The following TYW5 variants were observed in gnomAD, a reference collection of about 807,000 sequenced individuals.
TYW5 encodes tRNA-yW synthesizing protein 5.
TYW5 carries 36 observed loss-of-function variants against 44.4 expected under a neutral mutation model. That is an observed-to-expected ratio of 0.81 (90% CI 0.62 to 1.07). TYW5 has a LOEUF of 1.07. Among genes scored for constraint, TYW5 ranks in the 50% least tolerant of loss-of-function variants. The pLI, the probability that TYW5 is intolerant of heterozygous loss-of-function variation, is 0.00. For synonymous variants in TYW5, 121 were observed against 128.1 expected, an observed-to-expected ratio of 0.94 and a Z score of 0.37; for missense variants, 354 against 365.7, an observed-to-expected ratio of 0.97 and a Z score of 0.26.
chr2:199,953,886 G>A (rs1325300534), intron 1 of TYW5, among the ~76,000 whole-genome samples: 1 of 152,072 alleles, frequency 6.6e-6, no homozygotes, highest in East Asian at 1.9e-4. Flanking sequence ...AATACCTTTT[G>A]CTATGACTCT....
At chr2:199,938,315 C>T (rs561431322) in intron 5 of TYW5, among the ~76,000 whole-genome samples, 7 of 152,080 alleles carry the variant, frequency 4.6e-5, no homozygotes, top group East Asian at 1.9e-4. Flanking sequence ...CCGCCCGCCT[C>T]GGCCTCCCAA....
intron 6 of TYW5, 109 bp from the exon 7 acceptor site, chr2:199,936,156 CT>C: frequency 1.3e-6 from 1 of 765,188 alleles, no homozygotes; most frequent in Non-Finnish European, 2.2e-6. Context: ...CAGTTACTTA[CT>C]GTACCAACAC....
intron 3 of TYW5, among the ~76,000 whole-genome samples, chr2:199,940,467 A>G (rs1476664574): frequency 6.6e-6 from 1 of 152,142 alleles, no homozygotes; most frequent in Non-Finnish European, 1.5e-5. Flanking sequence ...AGCCTGGGCA[A>G]CAGAGTGAGA....
rs556487988 is a variant in TYW5 at position 199,929,624 on chromosome 2, C to T, written c.*3443G>A. 6.0e-5 allele frequency among the ~76,000 whole-genome samples: 9 copies of T among 151,108 alleles called. No homozygotes were observed. The highest frequency in any genetic ancestry group is 2.1e-4 in the South Asian group (1 of 4,772). On this transcript the variant is annotated 3_prime_UTR_variant, in exon 8 of 8. Coordinates refer to ENST00000354611, the MANE Select transcript of TYW5 (RefSeq NM_001039693.3). ...AACTTTTTATAGGTGATAGAAAAGC[C>T]GCCTTACTAAGGTTCTTTCCAAATG...
Position 199,932,860 on chromosome 2 carries a change from T to C in TYW5, c.*207A>G, listed in dbSNP as rs987120347. ...TTTAAGTCATTTTAAGTTGGACTTT[T>C]AGTGGTCAGCATCTGAATGTTAAAG... On this transcript the variant is annotated 3_prime_UTR_variant, in exon 8 of 8. Coordinates refer to ENST00000354611, the MANE Select transcript of TYW5 (RefSeq NM_001039693.3). 1.8e-6 allele frequency: 1 copy of C among 553,776 alleles called. No individual in the cohort carries two copies. The highest frequency in any genetic ancestry group is 3.7e-5 in the Admixed American group (1 of 27,372). 34.3% of individuals were successfully genotyped at this position (553,776 alleles called of 1,614,324 possible).
At chr2:199,940,577 C>T (rs1270724870) in intron 3 of TYW5, among the ~76,000 whole-genome samples, 1 of 151,238 alleles carries the variant, frequency 6.6e-6, no homozygotes, top group African/African-American at 2.4e-5. Flanking sequence ...TGACACTACA[C>T]TCCAGCTTGG....
At position 199,948,447 on chromosome 2, in the gene TYW5, A is replaced by G; in HGVS notation, c.104T>C (p.Ile35Thr). 6.2e-7 allele frequency: 1 copy of G among 1,614,026 alleles called. No homozygotes were observed. Among genetic ancestry groups the G allele is most frequent in the Non-Finnish European group, 8.5e-7 (1 of 1,179,976 alleles). Reference protein sequence around the residue: ...PQRKPLVLEGIDLGPCTSKWT... With the variant: ...PQRKPLVLEGTDLGPCTSKWT... The stretch of plus-strand genomic sequence containing the variant: ...TTTGCTTGTACATGGCCCCAAATCA[A>G]TCCCTTCCAACACAAGAGGTTTTCT... Residue 35 changes from isoleucine (I) to threonine (T), a missense_variant, in exon 2 of 8, where the codon ATT (isoleucine) becomes ACT (threonine). Ile to Thr is a moderately conservative substitution (Grantham distance 89). Transcript: ENST00000354611.
chr2:199,934,255 T>A (rs1376739944), intron 7 of TYW5, among the ~76,000 whole-genome samples: 1 of 151,936 alleles, frequency 6.6e-6, no homozygotes, highest in Non-Finnish European at 1.5e-5. Flanking sequence ...CCTTATTCAA[T>A]ATAATAGGAA....
chr2:199,933,768 C>A (rs897467818), intron 7 of TYW5, among the ~76,000 whole-genome samples: 3 of 152,096 alleles, frequency 2.0e-5, no homozygotes, highest in Non-Finnish European at 4.4e-5. Context: ...TCCCTAAAGA[C>A]TTCCTGTTCA....
rs2077359449 is a variant in TYW5 at position 199,929,743 on chromosome 2, A to G, written c.*3324T>C. Among the ~76,000 whole-genome samples, 1 of 152,070 alleles carries G rather than the reference A, an allele frequency of 6.6e-6. No homozygotes were observed. The highest frequency in any genetic ancestry group is 6.6e-5 in the Admixed American group (1 of 15,264). ...TTGGTATTTTATCAAAGTGAGTTAG[A>G]AATTAATTACAGGACAAATAGAATT... On this transcript the variant is annotated 3_prime_UTR_variant, in exon 8 of 8. Coordinates refer to ENST00000354611, the MANE Select transcript of TYW5 (RefSeq NM_001039693.3).
chr2:199,939,990 G>A, intron 4 of TYW5, 99 bp downstream of exon 4: 1 of 1,106,620 alleles, frequency 9.0e-7, no homozygotes, highest in Non-Finnish European at 1.4e-6. Flanking sequence ...ATAGAACAGG[G>A]AATATGTCAG....
intron 4 of TYW5, among the ~76,000 whole-genome samples, chr2:199,939,714 TCA>T (rs2077449894): frequency 6.6e-6 from 1 of 152,200 alleles, no homozygotes; most frequent in African/African-American, 2.4e-5. Context: ...CTCTTTAATA[TCA>T]CAGCCATACT....
In TYW5 at chr2:199,930,418, C is replaced by T. The variant is rs1355853539; in HGVS notation, c.*2649G>A. The T allele has an allele frequency of 2.0e-5, 3 of 152,296 alleles. No homozygotes were observed. Among genetic ancestry groups the T allele is most frequent in the East Asian group, 3.9e-4 (2 of 5,182 alleles). 9.4% of individuals were successfully genotyped at this position (152,296 alleles called of 1,614,324 possible). A position where few individuals can be genotyped will look rare whatever the true frequency, so the allele number is the denominator to read the frequency against. On this transcript the variant is annotated 3_prime_UTR_variant, in exon 8 of 8. Coordinates refer to ENST00000354611, the MANE Select transcript of TYW5 (RefSeq NM_001039693.3). ...AAATAAGATGTTCACACACCACATA[C>T]CTTGTTTTACACAAATGGCAGTACA...
chr2:199,947,085 A>C (rs2077509239), intron 2 of TYW5: 1 of 152,230 alleles, frequency 6.6e-6, no homozygotes. Context: ...TAAGGCAATT[A>C]AATTCAATTC....
chr2:199,939,218 C>G (rs752303093), intron 4 of TYW5, 148 bp from the exon 5 acceptor site: 9 of 681,836 alleles, frequency 1.3e-5, no homozygotes, highest in Non-Finnish European at 1.8e-5. Context: ...CTTTCTCTCT[C>G]TCTCTCCCCC....
rs753023964 is a variant in TYW5, at chr2:199,948,386, C to T, written c.165G>A (p.Lys55=). The T allele has an allele frequency of 1.2e-6, 2 of 1,614,032 alleles. No homozygotes were observed. The highest frequency in any genetic ancestry group is 1.7e-6 in the Non-Finnish European group (2 of 1,180,016). The change falls in exon 2 of 8, where the codon AAG becomes AAA. Residue 55 remains lysine, a synonymous_variant. Coordinates refer to ENST00000354611, the MANE Select transcript of TYW5 (RefSeq NM_001039693.3). Reference sequence around the variant, plus strand: ...CAGCAACATGAATCTTTACTTCTTTCTTCCCTCCAACTTGGCTTAGGTAAT... The same window carrying T: ...CAGCAACATGAATCTTTACTTCTTTTTTCCCTCCAACTTGGCTTAGGTAAT... ...TVDYLSQVGG[K]KEVKIHVAAV...
intron 1 of TYW5, among the ~76,000 whole-genome samples, 185 bp from the exon 2 acceptor site, chr2:199,948,657 G>T (rs1193077077): frequency 6.6e-6 from 1 of 152,064 alleles, no homozygotes; most frequent in Non-Finnish European, 1.5e-5. Context: ...GAAATATCTA[G>T]AACAAAATTT....
intron 3 of TYW5, among the ~76,000 whole-genome samples, chr2:199,941,664 G>T (rs2077465722): frequency 6.6e-6 from 1 of 152,170 alleles, no homozygotes; most frequent in African/African-American, 2.4e-5. Flanking sequence ...TTTTCTACTA[G>T]TTCTAACATT....
rs1320619972 is a variant in TYW5, at chr2:199,929,054, A to AAAC, written c.*4010_*4012dup. 6.6e-6 allele frequency among the ~76,000 whole-genome samples: 1 copy of AAAC among 152,236 alleles called. No individual in the cohort carries two copies. Among genetic ancestry groups the AAAC allele is most frequent in the African/African-American group, 2.4e-5 (1 of 41,466 alleles). Reference sequence around the variant, plus strand: ...GGAGATATAGACAGACCTCATCTGTAAACTCATGTTGCTCTTTACAAAGGA... The same window carrying AAAC: ...GGAGATATAGACAGACCTCATCTGTAAACAACTCATGTTGCTCTTTACAAAGGA... On this transcript the variant is annotated 3_prime_UTR_variant, in exon 8 of 8. Coordinates refer to ENST00000354611, the MANE Select transcript of TYW5 (RefSeq NM_001039693.3).
Sources: allele counts gnomAD v4.1 joint callset (sites outside exome capture counted in the v4.1 genomes callset), GRCh38; gene constraint gnomAD v4.1.1; transcripts MANE v1.5; gene names NCBI Gene and HGNC (gene_info 2026-07-23, HGNC 2026-07-21).